Variants in EDIL3 observed in about 807,000 individuals in gnomAD.
EDIL3 encodes EGF like and discoidin domains 3.
EDIL3 carries 37 observed loss-of-function variants against 67.4 expected under a neutral mutation model. The observed-to-expected ratio is 0.55, with a 90% CI of 0.42 to 0.72. The LOEUF (loss-of-function observed/expected upper bound fraction) is 0.72, where lower values mean the gene tolerates loss of function less well. Ranked by LOEUF, EDIL3 falls within the 30% of genes least tolerant of loss-of-function variation. The pLI, the probability that EDIL3 is intolerant of heterozygous loss-of-function variation, is 0.00. For synonymous variants in EDIL3, 195 were observed against 196.3 expected (o/e 0.99, Z 0.05); for missense variants, 527 against 586.3 (o/e 0.90, Z 1.04).
intron 9 of EDIL3, among the ~76,000 whole-genome samples, chr5:84,024,095 C>T (rs772159673): frequency 7.2e-5 from 11 of 152,138 alleles, no homozygotes; most frequent in Admixed American, 1.3e-4. Context: ...TTATACCAGG[C>T]AAACCTTATC....
At position 83,952,969 on chromosome 5, in the gene EDIL3, G is replaced by C. The variant is rs183049704; in HGVS notation, c.1294-9401C>G. ...AGCCAGACTCATGATGAGGGGAAAAGAGTATTAGGGAGAGGAGACAATCCT... is the reference window on the plus strand; with the variant it reads ...AGCCAGACTCATGATGAGGGGAAAACAGTATTAGGGAGAGGAGACAATCCT... On this transcript the variant is annotated intron_variant, in intron 10 of 10. Coordinates refer to ENST00000296591, the MANE Select transcript of EDIL3 (RefSeq NM_005711.5). Among the ~76,000 whole-genome samples, 8 of 151,934 alleles carry C rather than the reference G, an allele frequency of 5.3e-5. No individual in the cohort carries two copies. The East Asian group carries it at 1.6e-3, about 30-fold the overall frequency.
intron 9 of EDIL3, among the ~76,000 whole-genome samples, chr5:84,023,350 T>G (rs1745752087): frequency 6.6e-6 from 1 of 152,088 alleles, no homozygotes; most frequent in South Asian, 2.1e-4. Flanking sequence ...TTACTTATGA[T>G]GTATACATCA....
At chr5:84,251,022 C>T (rs1745014409) in intron 2 of EDIL3, among the ~76,000 whole-genome samples, 1 of 152,008 alleles carries the variant, frequency 6.6e-6, no homozygotes, top group African/African-American at 2.4e-5. Context: ...TTTTAAATTC[C>T]AATACACTCT....
In EDIL3 at chr5:84,258,457, G is replaced by T. The variant is rs190438704; in HGVS notation, c.68-4245C>A. On this transcript the variant is annotated intron_variant, in intron 1 of 10. Coordinates refer to ENST00000296591, the MANE Select transcript of EDIL3 (RefSeq NM_005711.5). ...CCAGAGCAAAGATTATTGTTGGAAG[G>T]AATTCCCCTAGGTCAGGAATGACAG... Among the ~76,000 whole-genome samples the T allele has an allele frequency of 4.1e-4, 63 of 152,274 alleles. 1 individual carries two copies. Among genetic ancestry groups the T allele is most frequent in the African/African-American group, 1.5e-3 (63 of 41,554 alleles).
chr5:84,000,123 C>G (rs1561398568), intron 9 of EDIL3, among the ~76,000 whole-genome samples: 1 of 151,818 alleles, frequency 6.6e-6, no homozygotes, highest in East Asian at 1.9e-4. Flanking sequence ...TTATCAATAC[C>G]AGACCTCTCC....
chr5:84,277,077 G>A (rs1256830468), intron 1 of EDIL3, among the ~76,000 whole-genome samples: 3 of 152,080 alleles, frequency 2.0e-5, no homozygotes, highest in Non-Finnish European at 4.4e-5. Context: ...ATTACATAAA[G>A]TAAACCATTT....
At chr5:84,037,929 G>A (rs1746048868) in intron 9 of EDIL3, among the ~76,000 whole-genome samples, 2 of 151,432 alleles carry the variant, frequency 1.3e-5, no homozygotes, top group African/African-American at 4.9e-5. Flanking sequence ...ATTAATGTGA[G>A]CAGTGAGCTT....
Position 84,230,109 on chromosome 5 carries a change from A to G in EDIL3, c.197-225T>C, listed in dbSNP as rs143263147. On this transcript the variant is annotated intron_variant, in intron 2 of 10. Coordinates refer to ENST00000296591, the MANE Select transcript of EDIL3 (RefSeq NM_005711.5). ...GAGTATTCACATTAAATAAAAACAT[A>G]TGTGCTCCTATACTTTAAAATATCT... is the stretch of plus-strand genomic sequence containing the variant. Among the ~76,000 whole-genome samples, 274 of 152,334 alleles carry G rather than the reference A, an allele frequency of 1.8e-3. 6 individuals are homozygous for G. In the East Asian group the frequency reaches 0.024, roughly 14 times the overall value.
At chr5:84,040,518 T>TAC (rs1040319923) in intron 9 of EDIL3, among the ~76,000 whole-genome samples, 10 of 141,112 alleles carry the variant, frequency 7.1e-5, no homozygotes, top group African/African-American at 2.6e-4. Flanking sequence ...TATATAATTA[T>TAC]ATATATATAT....
intron 9 of EDIL3, among the ~76,000 whole-genome samples, chr5:84,035,957 T>C (rs985139142): frequency 4.6e-5 from 7 of 152,232 alleles, no homozygotes; most frequent in Non-Finnish European, 1.0e-4. Flanking sequence ...TCTTCTGTCT[T>C]CATTTCTGGA....
At chr5:84,259,013 G>A (rs548000029) in intron 1 of EDIL3, among the ~76,000 whole-genome samples, 3 of 125,050 alleles carry the variant, frequency 2.4e-5, no homozygotes, top group African/African-American at 6.1e-5. Context: ...CTCGCTCTGT[G>A]CAGTGGCGCG....
At chr5:84,356,938 C>CTT (rs1192794267) in intron 1 of EDIL3, among the ~76,000 whole-genome samples, 1 of 12,622 alleles carries the variant, frequency 7.9e-5, no homozygotes. Flanking sequence ...TCTCTCTTTT[C>CTT]TTTTTTTTTT....
At chr5:84,094,539 C>T (rs1334991857) in intron 6 of EDIL3, among the ~76,000 whole-genome samples, 1 of 152,008 alleles carries the variant, frequency 6.6e-6, no homozygotes, top group Non-Finnish European at 1.5e-5. Context: ...CTTCTTAAAT[C>T]CTGGTCTTTT....
At chr5:84,071,321 A>G (rs559251115) in intron 6 of EDIL3, among the ~76,000 whole-genome samples, 34 of 152,212 alleles carry the variant, frequency 2.2e-4, no homozygotes, top group Non-Finnish European at 3.5e-4. Flanking sequence ...ATCACTAGCT[A>G]AGGTATTAAT....
chr5:84,352,054 A>C (rs1747371899), intron 1 of EDIL3, among the ~76,000 whole-genome samples: 1 of 152,180 alleles, frequency 6.6e-6, no homozygotes, highest in Admixed American at 6.5e-5. Flanking sequence ...ATCACTAATC[A>C]ACAGAGAAAT....
chr5:84,077,663 C>T (rs114205790), intron 6 of EDIL3, among the ~76,000 whole-genome samples: 2,762 of 152,164 alleles, frequency 0.018, 74 homozygotes, highest in African/African-American at 0.062. Context: ...TACCTCCCAC[C>T]GGGACCCTCC....
chr5:84,259,882 GCC>G (rs1745195142), intron 1 of EDIL3, among the ~76,000 whole-genome samples: 1 of 152,054 alleles, frequency 6.6e-6, no homozygotes, highest in African/African-American at 2.4e-5. Context: ...AAACCGAAAA[GCC>G]TAAAATAGGT....
intron 3 of EDIL3, among the ~76,000 whole-genome samples, chr5:84,209,194 G>A (rs949609489): frequency 6.6e-6 from 1 of 151,168 alleles, no homozygotes; most frequent in Non-Finnish European, 1.5e-5. Flanking sequence ...ATGGACACAG[G>A]AAGGGGAACA....
chr5:84,324,326 T>A (rs1028982116), intron 1 of EDIL3, among the ~76,000 whole-genome samples: 4 of 151,778 alleles, frequency 2.6e-5, no homozygotes, highest in African/African-American at 9.7e-5. Flanking sequence ...AACCAATGGA[T>A]AAAATAAGCA....
Sources: gnomAD v4.1 joint callset for allele counts (sites outside exome capture counted in the v4.1 genomes callset) on GRCh38, gnomAD v4.1.1 for gene constraint, MANE v1.5 for transcripts, NCBI Gene and HGNC (gene_info 2026-07-23, HGNC 2026-07-21) for gene names.